GRM8: variants seen among roughly 807,000 people sequenced by gnomAD.
GRM8 encodes glutamate metabotropic receptor 8.
Under a neutral mutation model 87.2 loss-of-function variants are expected in GRM8, and 47 were observed. The observed-to-expected ratio is 0.54, with a 90% CI of 0.43 to 0.69. The LOEUF (loss-of-function observed/expected upper bound fraction) is 0.69, where lower values mean the gene tolerates loss of function less well. Ranked by LOEUF, GRM8 falls within the 30% of genes least tolerant of loss-of-function variation. The pLI is 0.00. For synonymous variants in GRM8, 396 were observed against 404.5 expected, an observed-to-expected ratio of 0.98 and a Z score of 0.25; for missense variants, 1,019 against 1,139.2, an observed-to-expected ratio of 0.89 and a Z score of 1.52.
intron 9 of GRM8, among the ~76,000 whole-genome samples, chr7:126,496,035 C>G (rs1048530250): frequency 1.3e-5 from 2 of 151,960 alleles, no homozygotes. Flanking sequence ...CCACAGGGCT[C>G]CAGAGTCCTG....
At chr7:126,970,455 T>C (rs1810304193) in intron 3 of GRM8, among the ~76,000 whole-genome samples, 1 of 152,198 alleles carries the variant, frequency 6.6e-6, no homozygotes, top group South Asian at 2.1e-4. Context: ...AACCTCAGAT[T>C]CTTTTTCTGC....
At chr7:126,615,557 C>T (rs1799395616) in intron 7 of GRM8, among the ~76,000 whole-genome samples, 1 of 152,202 alleles carries the variant, frequency 6.6e-6, no homozygotes, top group Admixed American at 6.5e-5. Flanking sequence ...GCTAAATGCT[C>T]CAATTAAAAG....
chr7:126,481,318 C>G (rs1201358442), intron 9 of GRM8, among the ~76,000 whole-genome samples: 1 of 151,906 alleles, frequency 6.6e-6, no homozygotes, highest in Non-Finnish European at 1.5e-5. Context: ...TAAGAAGAAA[C>G]ACCTATTTGT....
intron 6 of GRM8, among the ~76,000 whole-genome samples, chr7:126,865,825 A>G (rs576446174): frequency 6.6e-6 from 1 of 152,298 alleles, no homozygotes; most frequent in African/African-American, 2.4e-5. Flanking sequence ...TTGCCTGTTC[A>G]TTAATTGATG....
chr7:126,950,670 C>T (rs1215272182), intron 3 of GRM8, among the ~76,000 whole-genome samples: 3 of 152,198 alleles, frequency 2.0e-5, no homozygotes, highest in East Asian at 1.9e-4. Context: ...CTTCCATGTT[C>T]CATACCCCAT....
At chr7:126,658,695 T>C (rs573236335) in intron 7 of GRM8, among the ~76,000 whole-genome samples, 1 of 151,824 alleles carries the variant, frequency 6.6e-6, no homozygotes, top group South Asian at 2.1e-4. Context: ...ATGATGTATG[T>C]GCTCTAAGGA....
intron 3 of GRM8, among the ~76,000 whole-genome samples, chr7:126,971,796 T>C (rs182728204): frequency 3.9e-5 from 6 of 152,260 alleles, no homozygotes; most frequent in Admixed American, 3.9e-4. Flanking sequence ...GATCCGGGTG[T>C]ATAAGGCAAA....
At chr7:127,089,375 A>G (rs760040977) in intron 3 of GRM8, among the ~76,000 whole-genome samples, 17 of 152,172 alleles carry the variant, frequency 1.1e-4, no homozygotes, top group Non-Finnish European at 1.6e-4. Flanking sequence ...TGGCTCCACA[A>G]TTGTGGGAGA....
chr7:127,058,299 C>A (rs2132555665), intron 3 of GRM8: 1 of 348,116 alleles, frequency 2.9e-6, no homozygotes, highest in Non-Finnish European at 5.5e-6. Context: ...GCGAGAACAG[C>A]AACTGGACAA....
At chr7:126,442,568 T>C (rs1801588989) in intron 10 of GRM8, among the ~76,000 whole-genome samples, 1 of 151,928 alleles carries the variant, frequency 6.6e-6, no homozygotes, top group Non-Finnish European at 1.5e-5. Flanking sequence ...AGTTATAAAA[T>C]TTGTATATAG....
chr7:126,827,151 A>G (rs1794891224), intron 6 of GRM8, among the ~76,000 whole-genome samples: 1 of 152,186 alleles, frequency 6.6e-6, no homozygotes, highest in Admixed American at 6.5e-5. Flanking sequence ...AGGTAGCGTG[A>G]TGCCTTCAGC....
In GRM8 at chr7:126,463,079, C is replaced by G. The variant is rs764388549; in HGVS notation, c.2431-16707G>C. On this transcript the variant is annotated intron_variant, in intron 9 of 10. Coordinates refer to ENST00000339582, the MANE Select transcript of GRM8 (RefSeq NM_000845.3). ...ATAATGTGAACAAGATGATAAATGT[C>G]ATAAAAGTGTTTTACAGAATTAATG... Among the ~76,000 whole-genome samples the G allele has an allele frequency of 2.7e-5, 4 of 149,110 alleles. 1 individual carries two copies. Among genetic ancestry groups the G allele is most frequent in the Non-Finnish European group, 5.9e-5 (4 of 67,688 alleles).
intron 3 of GRM8, among the ~76,000 whole-genome samples, chr7:127,042,350 G>T (rs939614357): frequency 6.6e-6 from 1 of 152,228 alleles, no homozygotes; most frequent in Non-Finnish European, 1.5e-5. Context: ...AGACAGAAGA[G>T]CAAAGAAATG....
chr7:126,662,806 G>A (rs1013388479), intron 7 of GRM8, among the ~76,000 whole-genome samples: 6 of 152,112 alleles, frequency 3.9e-5, no homozygotes, highest in Admixed American at 3.9e-4. Context: ...CATCACAGAG[G>A]AAATGGATTA....
intron 2 of GRM8, among the ~76,000 whole-genome samples, chr7:127,213,458 C>T (rs1007603105): frequency 1.3e-5 from 2 of 152,134 alleles, no homozygotes; most frequent in East Asian, 1.9e-4. Context: ...TAAAAACATA[C>T]ATATTATACA....
intron 2 of GRM8, chr7:127,215,161 T>TCCGA (rs1448876897): frequency 6.6e-6 from 1 of 152,228 alleles, no homozygotes; most frequent in African/African-American, 2.4e-5. Flanking sequence ...CTGATTCTCT[T>TCCGA]CCGATTCTGC....
rs565187586 is a variant in GRM8, at chr7:126,465,319, T to C, written c.2431-18947A>G. 5 of 148,486 alleles carry C rather than the reference T, an allele frequency of 3.4e-5. No homozygotes were observed. The South Asian group carries it at 1.1e-3, about 32-fold the overall frequency. 9.2% of individuals were successfully genotyped at this position (148,486 alleles called of 1,614,324 possible). On this transcript the variant is annotated intron_variant, in intron 9 of 10. Transcript: ENST00000339582. ...TTGGTCCTGTATAATTCCATAAAAA[T>C]TTTAGAGTCAGCTTGCCAGTTTTCG...
chr7:126,454,007 CA>C (rs1802940015), intron 9 of GRM8, among the ~76,000 whole-genome samples: 1 of 151,508 alleles, frequency 6.6e-6, no homozygotes, highest in Admixed American at 6.6e-5. Flanking sequence ...GCAGCATGGA[CA>C]GAACTGGGAA....
intron 10 of GRM8, among the ~76,000 whole-genome samples, chr7:126,441,222 G>A (rs930086451): frequency 1.3e-5 from 2 of 151,932 alleles, no homozygotes; most frequent in Non-Finnish European, 2.9e-5. Flanking sequence ...GAAAACATGT[G>A]AATTGCCAAT....
Sources: gnomAD v4.1 joint callset for allele counts (sites outside exome capture counted in the v4.1 genomes callset) on GRCh38, gnomAD v4.1.1 for gene constraint, MANE v1.5 for transcripts, NCBI Gene and HGNC (gene_info 2026-07-23, HGNC 2026-07-21) for gene names.